FMN2: variants seen among roughly 807,000 people sequenced by gnomAD.
FMN2 encodes formin-2.
A neutral mutation model predicts 142.3 loss-of-function variants in FMN2; 51 were observed. The observed-to-expected ratio is 0.36, with a 90% CI of 0.29 to 0.45. The LOEUF is 0.45. FMN2 is among the 20% of genes least tolerant of loss of function. The pLI, the probability that FMN2 is intolerant of heterozygous loss-of-function variation, is 1.00. For synonymous variants in FMN2, 882 were observed against 869.8 expected (o/e 1.01, Z -0.25); for missense variants, 1,936 against 2,122.8 (o/e 0.91, Z 1.73).
At chr1:240,460,764 C>T (rs1027405726) in intron 16 of FMN2, among the ~76,000 whole-genome samples, 16 of 151,852 alleles carry the variant, frequency 1.1e-4, no homozygotes, top group African/African-American at 3.9e-4. Context: ...ATTTATTAAA[C>T]AATATAAATA....
chr1:240,329,288 T>A (rs1671300044), intron 9 of FMN2, 51 bp from the exon 10 acceptor site: 1 of 1,593,548 alleles, frequency 6.3e-7, no homozygotes, highest in East Asian at 2.2e-5. Context: ...AGGATAAACA[T>A]CTGTTTATGT....
Position 240,465,280 on chromosome 1 carries a change from A to G in FMN2, c.5061-7092A>G, listed in dbSNP as rs920645995. 3.1e-4 allele frequency among the ~76,000 whole-genome samples: 32 copies of G among 103,102 alleles called. 1 individual carries two copies. The highest frequency in any genetic ancestry group is 1.5e-3 in the African/African-American group (32 of 21,074). The allele number at this position is 103,102 out of a possible 152,430, so 67.6% of individuals were successfully genotyped here. A position where few individuals can be genotyped will look rare whatever the true frequency, so the allele number is the denominator to read the frequency against. On this transcript the variant is annotated intron_variant, in intron 16 of 17. Transcript: ENST00000319653. ...CTTTTCTAACCAGCCTTTGTCTAGAATCTCCACCACCTCTCTCCTCCCCAC... is the reference window on the plus strand; with the variant it reads ...CTTTTCTAACCAGCCTTTGTCTAGAGTCTCCACCACCTCTCTCCTCCCCAC...
intron 1 of FMN2, among the ~76,000 whole-genome samples, chr1:240,095,819 TAA>T (rs910727498): frequency 6.6e-6 from 1 of 152,150 alleles, no homozygotes; most frequent in Non-Finnish European, 1.5e-5. Context: ...TTGGGACTCT[TAA>T]AAGAGTCCTG....
chr1:240,367,348 C>T (rs1672706538), intron 14 of FMN2, among the ~76,000 whole-genome samples: 1 of 152,158 alleles, frequency 6.6e-6, no homozygotes, highest in African/African-American at 2.4e-5. Context: ...TTTTCCCAAG[C>T]CCTGCTCCCA....
chr1:240,389,075 G>T (rs1024150600), intron 14 of FMN2, among the ~76,000 whole-genome samples: 3 of 152,038 alleles, frequency 2.0e-5, no homozygotes, highest in Admixed American at 6.5e-5. Context: ...AAGAAATGAG[G>T]TGTCTACTCT....
chr1:240,452,059 CACTCA>C (rs1676071781), intron 16 of FMN2, among the ~76,000 whole-genome samples: 2 of 151,962 alleles, frequency 1.3e-5, no homozygotes, highest in African/African-American at 4.8e-5. Context: ...GGTGTGGTGG[CACTCA>C]CCTGTAGTCC....
At chr1:240,195,082 C>A (rs7551000) in intron 4 of FMN2, among the ~76,000 whole-genome samples, 5,064 of 152,224 alleles carry the variant, frequency 0.033, 294 homozygotes, top group African/African-American at 0.12. Context: ...GCTTTCATTG[C>A]ATAGGTGGTC....
rs140012101 is a variant in FMN2, at chr1:240,111,907, A to G, written c.1616-11272A>G. ...TGGGTGTACTTCATGAAGTCAAGGT[A>G]CAGAGTCCACGTGTTTTCAGGGGAA... On this transcript the variant is annotated intron_variant, in intron 1 of 17. Coordinates refer to ENST00000319653, the MANE Select transcript of FMN2 (RefSeq NM_020066.5). Among the ~76,000 whole-genome samples the G allele has an allele frequency of 6.0e-3, 916 of 152,296 alleles. 3 individuals carry two copies. The highest frequency in any genetic ancestry group is 0.031 in the South Asian group (152 of 4,828).
At chr1:240,132,063 T>G (rs970247441) in intron 2 of FMN2, among the ~76,000 whole-genome samples, 3 of 152,194 alleles carry the variant, frequency 2.0e-5, no homozygotes, top group African/African-American at 7.2e-5. Flanking sequence ...CGACAGGACT[T>G]GCCATTTGAT....
At chr1:240,469,125 G>A (rs1353083684) in intron 16 of FMN2, among the ~76,000 whole-genome samples, 2 of 152,114 alleles carry the variant, frequency 1.3e-5, no homozygotes, top group Admixed American at 1.3e-4. Flanking sequence ...TGTTTTGGGG[G>A]TCTGGCAGCA....
intron 6 of FMN2, among the ~76,000 whole-genome samples, chr1:240,218,727 A>G (rs6659510): frequency 0.8 from 121,504 of 152,114 alleles, 49,903 homozygotes; most frequent in African/African-American, 0.95. Flanking sequence ...TGATCCGATG[A>G]CAGCACAGTT....
chr1:240,467,147 G>GC (rs1676649017), intron 16 of FMN2, among the ~76,000 whole-genome samples: 1 of 152,166 alleles, frequency 6.6e-6, no homozygotes. Context: ...TTGGGTCAGG[G>GC]ACTGGGCAGA....
In FMN2 at chr1:240,207,003, A is replaced by G. The variant is rs147518212; in HGVS notation, c.2191A>G (p.Lys731Glu). The G allele has an allele frequency of 5.6e-6, 9 of 1,614,058 alleles. No homozygotes were observed. In the African/African-American group the frequency reaches 1.1e-4, roughly 19 times the overall value. ...TCTCGAAGCTCTCAGGTTAGAAGAAAAGGAAGTACGGCATCATAGGATTTT... is the reference window on the plus strand; with the variant it reads ...TCTCGAAGCTCTCAGGTTAGAAGAAGAGGAAGTACGGCATCATAGGATTTT... ...VCLEALRLEE[K>E]EVRHHRILEA... Residue 731 changes from lysine (K) to glutamate (E), a missense_variant, in exon 5 of 18, where the codon AAG (lysine) becomes GAG (glutamate). Lys to Glu is a moderately conservative substitution (Grantham distance 56). This residue lies in a region of FMN2 where 478 missense variants were observed against 462.8 expected (regional missense o/e 1.03). Coordinates refer to ENST00000319653, the MANE Select transcript of FMN2 (RefSeq NM_020066.5).
chr1:240,449,792 C>T (rs952879471), intron 16 of FMN2, among the ~76,000 whole-genome samples: 4 of 152,044 alleles, frequency 2.6e-5, no homozygotes, highest in Non-Finnish European at 5.9e-5. Context: ...TTTATTGAGG[C>T]TTAATTGACA....
chr1:240,292,218 T>G (rs1669818786), intron 7 of FMN2, among the ~76,000 whole-genome samples: 1 of 152,180 alleles, frequency 6.6e-6, no homozygotes. Flanking sequence ...AGGCTGAAAT[T>G]TTGGACTTGG....
At chr1:240,274,264 T>G (rs1572143043) in intron 7 of FMN2, among the ~76,000 whole-genome samples, 1 of 145,286 alleles carries the variant, frequency 6.9e-6, no homozygotes, top group Non-Finnish European at 1.5e-5. Flanking sequence ...GAGCACATCA[T>G]GAGAGGAGAG....
At chr1:240,363,836 T>C (rs9660207) in intron 14 of FMN2, among the ~76,000 whole-genome samples, 90,358 of 151,712 alleles carry the variant, frequency 0.6, 28,886 homozygotes, top group African/African-American at 0.85. Context: ...CCCAGCCTGC[T>C]TCCTGCCTGA....
intron 1 of FMN2, among the ~76,000 whole-genome samples, chr1:240,117,927 C>A (rs2103208049): frequency 1.3e-5 from 2 of 152,220 alleles, no homozygotes; most frequent in South Asian, 4.1e-4. Flanking sequence ...ATAATGGGAA[C>A]AAGAGTAATG....
chr1:240,231,768 T>A (rs982546826), intron 6 of FMN2, among the ~76,000 whole-genome samples: 1 of 152,200 alleles, frequency 6.6e-6, no homozygotes, highest in African/African-American at 2.4e-5. Flanking sequence ...CTTCTTTGGG[T>A]TTATGTTATT....
Sources: gnomAD v4.1 joint callset for allele counts (sites outside exome capture counted in the v4.1 genomes callset) on GRCh38, gnomAD v4.1.1 for gene constraint, gnomAD v4.1.1 regional missense constraint, MANE v1.5 for transcripts, NCBI Gene and HGNC (gene_info 2026-07-23, HGNC 2026-07-21) for gene names.